ARHGAP24: variants seen among roughly 807,000 people sequenced by gnomAD.
ARHGAP24 encodes the protein rho GTPase-activating protein 24.
A neutral mutation model predicts 76.4 loss-of-function variants in ARHGAP24; 50 were observed. The observed-to-expected ratio is 0.65, with a 90% confidence interval of 0.52 to 0.83. ARHGAP24 has a LOEUF of 0.83. Among genes scored for constraint, ARHGAP24 ranks in the 40% least tolerant of loss-of-function variants. The pLI is 0.00. For missense variants in ARHGAP24, 930 were observed against 914.2 expected (o/e 1.02, Z -0.22); for synonymous variants, 345 against 323.3 (o/e 1.07, Z -0.72).
At chr4:85,667,228 G>C (rs1325927020) in intron 2 of ARHGAP24, among the ~76,000 whole-genome samples, 1 of 152,204 alleles carries the variant, frequency 6.6e-6, no homozygotes, top group Non-Finnish European at 1.5e-5. Flanking sequence ...CAGCATTGCT[G>C]CCGCCTTGCA....
intron 3 of ARHGAP24, among the ~76,000 whole-genome samples, chr4:85,736,607 A>G (rs868304914): frequency 7.2e-5 from 11 of 152,226 alleles, no homozygotes; most frequent in Admixed American, 2.0e-4. Flanking sequence ...TCCAATAAAC[A>G]TCAAGTAGAG....
At chr4:85,544,409 G>C (rs1471396495) in intron 1 of ARHGAP24, among the ~76,000 whole-genome samples, 1 of 151,980 alleles carries the variant, frequency 6.6e-6, no homozygotes, top group Non-Finnish European at 1.5e-5. Context: ...GGAAACCCTA[G>C]TTAGTATAAG....
At chr4:85,485,082 C>T (rs992013780) in intron 1 of ARHGAP24, among the ~76,000 whole-genome samples, 2 of 151,444 alleles carry the variant, frequency 1.3e-5, no homozygotes, top group Admixed American at 6.6e-5. Context: ...CACTGGCTCA[C>T]GCCTGTAAGC....
intron 2 of ARHGAP24, among the ~76,000 whole-genome samples, chr4:85,660,566 G>C (rs1443612152): frequency 6.6e-6 from 1 of 151,976 alleles, no homozygotes; most frequent in Non-Finnish European, 1.5e-5. Flanking sequence ...GGGAGGCTGA[G>C]GCAGGTGGAT....
chr4:85,900,793 C>A (rs1734450231), intron 3 of ARHGAP24, among the ~76,000 whole-genome samples: 1 of 152,176 alleles, frequency 6.6e-6, no homozygotes, highest in Admixed American at 6.5e-5. Flanking sequence ...TGAAACTGGG[C>A]TTCCAGGGCT....
chr4:85,934,789 A>G (rs1736536133), intron 4 of ARHGAP24, among the ~76,000 whole-genome samples: 1 of 152,224 alleles, frequency 6.6e-6, no homozygotes, highest in Non-Finnish European at 1.5e-5. Flanking sequence ...TGCTGGGATT[A>G]TAGGCGCAAG....
At chr4:85,596,651 A>G (rs1035812525) in intron 2 of ARHGAP24, among the ~76,000 whole-genome samples, 1 of 152,122 alleles carries the variant, frequency 6.6e-6, no homozygotes, top group Non-Finnish European at 1.5e-5. Context: ...GAAACACAAA[A>G]TGGCAAATCC....
intron 3 of ARHGAP24, among the ~76,000 whole-genome samples, chr4:85,905,363 T>C (rs371080978): frequency 7.0e-6 from 1 of 143,262 alleles, no homozygotes; most frequent in Admixed American, 7.2e-5. Flanking sequence ...CAAATCTTCT[T>C]ATACTTTCAG....
At chr4:85,489,293 A>G (rs1327956606) in intron 1 of ARHGAP24, among the ~76,000 whole-genome samples, 1 of 152,210 alleles carries the variant, frequency 6.6e-6, no homozygotes, top group Non-Finnish European at 1.5e-5. Context: ...ATGAGGAGAG[A>G]AAAAGAGGAT....
At chr4:85,796,418 G>A (rs1218053894) in intron 3 of ARHGAP24, among the ~76,000 whole-genome samples, 1 of 152,048 alleles carries the variant, frequency 6.6e-6, no homozygotes, top group East Asian at 1.9e-4. Context: ...ATGCATCTCA[G>A]TTGTATCAGA....
At chr4:85,563,119 C>A (rs1473678721) in intron 1 of ARHGAP24, among the ~76,000 whole-genome samples, 2 of 152,196 alleles carry the variant, frequency 1.3e-5, no homozygotes, top group African/African-American at 4.8e-5. Flanking sequence ...GGAGCACAGA[C>A]TGAAATACAA....
intron 1 of ARHGAP24, among the ~76,000 whole-genome samples, chr4:85,480,204 C>A (rs1722755637): frequency 6.6e-6 from 1 of 152,112 alleles, no homozygotes; most frequent in Non-Finnish European, 1.5e-5. Context: ...AAAGAAATAT[C>A]TTGGCACCTT....
At chr4:85,507,011 T>C (rs888376759) in intron 1 of ARHGAP24, among the ~76,000 whole-genome samples, 1 of 152,194 alleles carries the variant, frequency 6.6e-6, no homozygotes, top group Non-Finnish European at 1.5e-5. Flanking sequence ...AGATTCCAAT[T>C]GTTCAGGAAT....
chr4:85,479,696 A>G (rs77795279), intron 1 of ARHGAP24, among the ~76,000 whole-genome samples: 3 of 152,180 alleles, frequency 2.0e-5, no homozygotes, highest in Non-Finnish European at 4.4e-5. Context: ...TCATTTGAGC[A>G]CTGAGGCAAA....
intron 3 of ARHGAP24, among the ~76,000 whole-genome samples, chr4:85,849,365 T>C (rs1360927017): frequency 6.6e-6 from 1 of 152,066 alleles, no homozygotes; most frequent in East Asian, 1.9e-4. Context: ...GATGGGTTTT[T>C]CTAAATATAC....
intron 3 of ARHGAP24, among the ~76,000 whole-genome samples, chr4:85,789,632 G>T (rs146628930): frequency 2.3e-3 from 351 of 152,278 alleles, no homozygotes; most frequent in African/African-American, 8.3e-3. Context: ...AACCTATAGA[G>T]AATGTCAGGT....
intron 2 of ARHGAP24, among the ~76,000 whole-genome samples, chr4:85,652,209 T>C (rs1319173299): frequency 6.6e-6 from 1 of 152,172 alleles, no homozygotes; most frequent in Non-Finnish European, 1.5e-5. Context: ...ATCAGATGAT[T>C]TTGACTTCTT....
intron 3 of ARHGAP24, among the ~76,000 whole-genome samples, chr4:85,820,093 A>G (rs1343621728): frequency 1.3e-5 from 2 of 152,254 alleles, no homozygotes; most frequent in African/African-American, 2.4e-5. Context: ...CAAAGAACTC[A>G]AAAGCAGAAT....
At chr4:85,540,634 A>G (rs1994064) in intron 1 of ARHGAP24, among the ~76,000 whole-genome samples, 17,282 of 152,150 alleles carry the variant, frequency 0.11, 3,149 homozygotes, top group African/African-American at 0.38. Flanking sequence ...ATCACCTTAT[A>G]CAAAATATAA....
Sources: gnomAD v4.1 joint callset for allele counts (sites outside exome capture counted in the v4.1 genomes callset) on GRCh38, gnomAD v4.1.1 for gene constraint, MANE v1.5 for transcripts, NCBI Gene and HGNC (gene_info 2026-07-23, HGNC 2026-07-21) for gene names.